The following LARGE1 variants were observed in gnomAD, a reference collection of about 807,000 sequenced individuals.
LARGE1 encodes the protein xylosyl- and glucuronyltransferase LARGE1.
LARGE1 carries 43 observed loss-of-function variants against 87.6 expected under a neutral mutation model. The ratio of observed to expected loss-of-function variants is 0.49; its 90% CI spans 0.38 to 0.63. The LOEUF is 0.63. LARGE1 is among the 30% of genes least tolerant of loss of function. The probability of loss-of-function intolerance (pLI) is 0.00; values close to 1 mark genes in which losing one functional copy is unlikely to be tolerated. For synonymous variants in LARGE1, 434 were observed against 394.6 expected (o/e 1.10, Z -1.18); for missense variants, 802 against 1,000.2 (o/e 0.80, Z 2.67).
chr22:33,429,137 T>G (rs2066992413), intron 7 of LARGE1, among the ~76,000 whole-genome samples: 1 of 151,850 alleles, frequency 6.6e-6, no homozygotes, highest in Non-Finnish European at 1.5e-5. Context: ...GTGCTGGGAT[T>G]TAGGGTGGCA....
chr22:33,174,061 C>A (rs549971934), intron 11 of LARGE1, among the ~76,000 whole-genome samples: 1 of 152,304 alleles, frequency 6.6e-6, no homozygotes, highest in African/African-American at 2.4e-5. Flanking sequence ...CCACAATGCA[C>A]TTATTCTAAA....
In LARGE1 at chr22:33,186,672, T is replaced by C. The variant is rs1293119816; in HGVS notation, c.1731-19840A>G. Among the ~76,000 whole-genome samples the C allele has an allele frequency of 3.9e-5, 6 of 152,114 alleles. No homozygotes were observed. The South Asian group carries it at 6.2e-4, about 16-fold the overall frequency. ...TGGAATAAAGTAAAAAATAAATAAA[T>C]TAAAGCATAAGTATCAAAGAGAATG... On this transcript the variant is annotated intron_variant, in intron 11 of 11. Transcript: ENST00000608642.
chr22:33,396,676 C>T lies in LARGE1; in HGVS notation c.893-12372G>A, dbSNP rs145850027. On this transcript the variant is annotated intron_variant, in intron 7 of 14. Transcript: ENST00000397394. ...GACAAAGAACACAGTCGTCCCTGCC[C>T]GAGAGAGCTTGGAGGTGTTATGGGC... Among the ~76,000 whole-genome samples the T allele has an allele frequency of 5.0e-4, 76 of 152,086 alleles. 1 individual carries two copies. Among genetic ancestry groups the T allele is most frequent in the Non-Finnish European group, 9.0e-4 (61 of 68,008 alleles).
intron 2 of LARGE1, chr22:33,747,609 C>T (rs1569423410): frequency 6.6e-6 from 1 of 152,230 alleles, no homozygotes; most frequent in Non-Finnish European, 1.5e-5. Context: ...TTCTTTGTTG[C>T]ACTTATCAAC....
chr22:33,623,241 G>A (rs2079812125), intron 4 of LARGE1, among the ~76,000 whole-genome samples: 1 of 151,084 alleles, frequency 6.6e-6, no homozygotes, highest in Non-Finnish European at 1.5e-5. Context: ...AATGCTTAGT[G>A]TACAAAATGC....
chr22:33,257,724 T>G (rs62224754), intron 11 of LARGE1, among the ~76,000 whole-genome samples: 8,734 of 152,202 alleles, frequency 0.057, 301 homozygotes, highest in African/African-American at 0.076. Context: ...TGCTCAAGAA[T>G]GAGCAGCTGT....
In LARGE1 at chr22:33,355,060, T is replaced by C. The variant is rs5998890; in HGVS notation, c.1132-17259A>G. On this transcript the variant is annotated intron_variant, in intron 9 of 14. Coordinates refer to ENST00000397394, the MANE Select transcript of LARGE1 (RefSeq NM_133642.5). The stretch of plus-strand genomic sequence containing the variant: ...GTACCACAGTAAAAATATGTTTGCA[T>C]TGGAATAGGTCAGATAAGAAGTATT... 9.2e-4 allele frequency among the ~76,000 whole-genome samples: 140 copies of C among 152,320 alleles called. 1 individual carries two copies. Among genetic ancestry groups the C allele is most frequent in the Middle Eastern group, 3.4e-3 (1 of 294 alleles).
chr22:33,370,473 G>T (rs2064767154), intron 9 of LARGE1, among the ~76,000 whole-genome samples: 1 of 152,148 alleles, frequency 6.6e-6, no homozygotes, highest in Non-Finnish European at 1.5e-5. Context: ...CCAAAACTTT[G>T]ATCCATAGCC....
At chr22:33,268,169 G>A (rs1216657128), downstream of LARGE1, among the ~76,000 whole-genome samples, 1 of 151,350 alleles carries the variant, frequency 6.6e-6, no homozygotes, top group Non-Finnish European at 1.5e-5. Context: ...GGCCAGGCTG[G>A]TCTGGAACAC....
chr22:33,104,893 T>C, the LARGE1 span, among the ~76,000 whole-genome samples: 2,701 of 25,126 alleles, frequency 0.11, 65 homozygotes, highest in East Asian at 0.34. Flanking sequence ...TTCTCTCTCT[T>C]TCTTTCTTTC....
intron 1 of LARGE1, among the ~76,000 whole-genome samples, chr22:33,862,734 T>C (rs1008043480): frequency 5.3e-5 from 8 of 152,170 alleles, no homozygotes; most frequent in African/African-American, 1.4e-4. Flanking sequence ...CTTGGTGTTA[T>C]AAAACATAAG....
chr22:33,221,454 A>C (rs1164810642), intron 11 of LARGE1: 1 of 152,230 alleles, frequency 6.6e-6, no homozygotes, highest in African/African-American at 2.4e-5. Context: ...GTTATTTAAA[A>C]CTGGGTATAC....
chr22:33,550,142 TACACACACACACAC>T (rs5845093), intron 6 of LARGE1, among the ~76,000 whole-genome samples: 2 of 142,250 alleles, frequency 1.4e-5, no homozygotes, highest in African/African-American at 2.6e-5. Context: ...ACTTAAAGTA[TACACACACACACAC>T]ACACACACAC....
chr22:33,311,584 C>A (rs1437033722), intron 11 of LARGE1, among the ~76,000 whole-genome samples: 1 of 152,202 alleles, frequency 6.6e-6, no homozygotes, highest in African/African-American at 2.4e-5. Context: ...GACGTTATCA[C>A]CATCTCGTAG....
the LARGE1 span, among the ~76,000 whole-genome samples, chr22:33,152,415 C>A: frequency 1.3e-5 from 2 of 152,160 alleles, no homozygotes; most frequent in Non-Finnish European, 2.9e-5. Context: ...GCCTACTGGC[C>A]CGAGCATTGT....
At chr22:33,502,335 G>A (rs1012933820) in intron 6 of LARGE1, among the ~76,000 whole-genome samples, 8 of 152,138 alleles carry the variant, frequency 5.3e-5, no homozygotes, top group Admixed American at 1.3e-4. Context: ...GGAAACAGAG[G>A]AAAGAAAGTT....
downstream of LARGE1, among the ~76,000 whole-genome samples, chr22:33,270,074 A>G (rs1928168555): frequency 6.6e-6 from 1 of 152,012 alleles, no homozygotes; most frequent in Non-Finnish European, 1.5e-5. Flanking sequence ...AAATATTCAC[A>G]GTCAGAAACC....
At chr22:33,525,197 G>A (rs2071823187) in intron 6 of LARGE1, among the ~76,000 whole-genome samples, 1 of 152,118 alleles carries the variant, frequency 6.6e-6, no homozygotes, top group Non-Finnish European at 1.5e-5. Context: ...AGAGAACAGA[G>A]GGTCCCTTGA....
chr22:33,844,806 C>T (rs552624734), intron 1 of LARGE1, among the ~76,000 whole-genome samples: 3 of 151,770 alleles, frequency 2.0e-5, no homozygotes, highest in East Asian at 3.9e-4. Context: ...CTGCAACCTC[C>T]GCCTCCCGGG....
Sources: allele counts gnomAD v4.1 joint callset (sites outside exome capture counted in the v4.1 genomes callset), GRCh38; gene constraint gnomAD v4.1.1; transcripts MANE v1.5; gene names NCBI Gene and HGNC (gene_info 2026-07-23, HGNC 2026-07-21).